EXOC4: variants seen among roughly 807,000 people sequenced by gnomAD.
EXOC4 encodes the protein exocyst complex component 4, also known as SEC8-like 1.
In EXOC4, 71 loss-of-function variants were observed where a neutral mutation model predicts 107.2. That is an observed-to-expected ratio of 0.66 (90% CI 0.55 to 0.81). The LOEUF is 0.81. EXOC4 is among the 30% of genes least tolerant of loss of function. The pLI is 0.00. For synonymous variants in EXOC4, 456 were observed against 441.2 expected (o/e 1.03, Z -0.42); for missense variants, 1,108 against 1,189.6 (o/e 0.93, Z 1.01).
intron 10 of EXOC4, among the ~76,000 whole-genome samples, chr7:133,719,864 C>T (rs564210452): frequency 7.9e-5 from 12 of 152,170 alleles, no homozygotes; most frequent in East Asian, 1.9e-4. Context: ...TTTCTAACCC[C>T]GTCTAGCATA....
chr7:133,430,648 A>G (rs1797835826), intron 7 of EXOC4, among the ~76,000 whole-genome samples: 1 of 152,220 alleles, frequency 6.6e-6, no homozygotes, highest in Non-Finnish European at 1.5e-5. Flanking sequence ...TTGTTGGATC[A>G]TATAGTAACT....
At chr7:133,402,408 A>G (rs1046368333) in intron 7 of EXOC4, among the ~76,000 whole-genome samples, 1 of 152,250 alleles carries the variant, frequency 6.6e-6, no homozygotes, top group African/African-American at 2.4e-5. Context: ...TTTAACAAGC[A>G]TATGAATCAC....
intron 10 of EXOC4, among the ~76,000 whole-genome samples, chr7:133,767,096 T>C (rs746139099): frequency 1.7e-4 from 26 of 151,958 alleles, no homozygotes; most frequent in Non-Finnish European, 3.1e-4. Flanking sequence ...TCAGAGAGTT[T>C]GACTCTTACC....
chr7:133,878,176 T>C (rs1384344534), intron 11 of EXOC4, among the ~76,000 whole-genome samples: 1 of 152,212 alleles, frequency 6.6e-6, no homozygotes, highest in Non-Finnish European at 1.5e-5. Flanking sequence ...TAGAAAAAGT[T>C]TCTAATATCT....
chr7:134,093,812 C>G, the EXOC4 span, among the ~76,000 whole-genome samples: 1 of 152,138 alleles, frequency 6.6e-6, no homozygotes. Flanking sequence ...AAACAACTTG[C>G]TCCTGAATGA....
intron 17 of EXOC4, among the ~76,000 whole-genome samples, chr7:134,027,415 T>C (rs1795164282): frequency 6.6e-6 from 1 of 152,092 alleles, no homozygotes; most frequent in South Asian, 2.1e-4. Context: ...ACCCCAGCAC[T>C]TTGGGAGGCC....
intron 14 of EXOC4, among the ~76,000 whole-genome samples, chr7:133,943,699 T>C (rs1256280102): frequency 6.6e-6 from 1 of 152,204 alleles, no homozygotes; most frequent in Non-Finnish European, 1.5e-5. Context: ...AATTTCATAT[T>C]ATTGGCAAAT....
intron 7 of EXOC4, among the ~76,000 whole-genome samples, chr7:133,417,563 G>A (rs1797507460): frequency 6.6e-6 from 1 of 152,168 alleles, no homozygotes; most frequent in African/African-American, 2.4e-5. Flanking sequence ...TAAGAATCAA[G>A]GTTAGGTTCT....
intron 9 of EXOC4, among the ~76,000 whole-genome samples, chr7:133,515,006 T>C (rs549377834): frequency 4.1e-4 from 62 of 152,304 alleles, no homozygotes; most frequent in African/African-American, 1.4e-3. Context: ...GATAAAGTAA[T>C]ATTAAACTAT....
chr7:133,636,840 A>G (rs1056979842), intron 10 of EXOC4, among the ~76,000 whole-genome samples: 3 of 152,084 alleles, frequency 2.0e-5, no homozygotes, highest in African/African-American at 7.2e-5. Context: ...AAGAAGATGA[A>G]CCTCTCTTGG....
At position 133,984,005 on chromosome 7, in the gene EXOC4, A is replaced by G. The variant is rs1585300204; in HGVS notation, c.2207-13487A>G. ...GGGAGGATTATTTGGAATAAAGGAA[A>G]AATCAATCGTAATGTTTCTCCCCAG... On this transcript the variant is annotated intron_variant, in intron 14 of 17. Coordinates refer to ENST00000253861, the MANE Select transcript of EXOC4 (RefSeq NM_021807.4). Among the ~76,000 whole-genome samples, 11 of 152,332 alleles carry G rather than the reference A, an allele frequency of 7.2e-5. 4 individuals carry two copies. The highest frequency in any genetic ancestry group is 7.2e-4 in the Admixed American group (11 of 15,296).
chr7:133,327,162 A>T (rs1170251898), intron 5 of EXOC4, among the ~76,000 whole-genome samples: 1 of 152,200 alleles, frequency 6.6e-6, no homozygotes, highest in African/African-American at 2.4e-5. Flanking sequence ...TTCCCGAGTG[A>T]GGCGATGCTT....
rs563565397 is a variant in EXOC4, at chr7:133,625,491, A to G, written c.1418-4554A>G. 8.5e-5 allele frequency among the ~76,000 whole-genome samples: 13 copies of G among 152,230 alleles called. 1 individual carries two copies. In the South Asian group the frequency reaches 1.5e-3, roughly 17 times the overall value. Reference sequence around the variant, plus strand: ...TCATTTCAGTGAGAATCCTGTTTCTATTTCTTTCTGAGGCTTTGGTTTCTG... The same window carrying G: ...TCATTTCAGTGAGAATCCTGTTTCTGTTTCTTTCTGAGGCTTTGGTTTCTG... On this transcript the variant is annotated intron_variant, in intron 9 of 17. Transcript: ENST00000253861.
chr7:133,429,699 A>T (rs1158443305), intron 7 of EXOC4, among the ~76,000 whole-genome samples: 1 of 152,236 alleles, frequency 6.6e-6, no homozygotes, highest in Non-Finnish European at 1.5e-5. Flanking sequence ...AAATAGAATC[A>T]TACAGTATGT....
chr7:133,588,334 C>A (rs1344319104), intron 9 of EXOC4, among the ~76,000 whole-genome samples: 1 of 152,276 alleles, frequency 6.6e-6, no homozygotes, highest in Non-Finnish European at 1.5e-5. Flanking sequence ...CCAGGGTTTC[C>A]CATTTCACCC....
At chr7:133,569,553 A>T (rs1169080107) in intron 9 of EXOC4, among the ~76,000 whole-genome samples, 1 of 152,170 alleles carries the variant, frequency 6.6e-6, no homozygotes, top group Non-Finnish European at 1.5e-5. Context: ...TTAAACATGC[A>T]TTCATTCAGT....
At chr7:133,887,784 C>T (rs1799118580) in intron 11 of EXOC4, among the ~76,000 whole-genome samples, 1 of 152,118 alleles carries the variant, frequency 6.6e-6, no homozygotes, top group Non-Finnish European at 1.5e-5. Flanking sequence ...GGCTGAACTC[C>T]AGTCTCCTTT....
intron 9 of EXOC4, among the ~76,000 whole-genome samples, chr7:133,575,198 C>T (rs939044971): frequency 1.3e-5 from 2 of 152,154 alleles, no homozygotes; most frequent in East Asian, 3.9e-4. Flanking sequence ...CCACATTGTC[C>T]GAGTCTTCAT....
intron 1 of EXOC4, among the ~76,000 whole-genome samples, chr7:133,269,156 G>T (rs1315311065): frequency 6.6e-6 from 1 of 152,124 alleles, no homozygotes; most frequent in Non-Finnish European, 1.5e-5. Flanking sequence ...CCAGATTCAA[G>T]ACTGTTATTA....
Sources: allele counts gnomAD v4.1 joint callset (sites outside exome capture counted in the v4.1 genomes callset), GRCh38; gene constraint gnomAD v4.1.1; transcripts MANE v1.5; gene names NCBI Gene and HGNC (gene_info 2026-07-23, HGNC 2026-07-21).